Variants in BTBD9 observed in about 807,000 individuals in gnomAD.
BTBD9 encodes the protein BTB/POZ domain-containing protein 9.
A neutral mutation model predicts 64.3 loss-of-function variants in BTBD9; 49 were observed. That is an observed-to-expected ratio of 0.76 (90% CI 0.61 to 0.97). BTBD9 has a LOEUF of 0.97. Ranked by LOEUF, BTBD9 falls within the 50% of genes least tolerant of loss-of-function variation. BTBD9 has a pLI of 0.00. For missense variants in BTBD9, 598 were observed against 762.1 expected, an observed-to-expected ratio of 0.78 and a Z score of 2.53; for synonymous variants, 260 against 274.7, an observed-to-expected ratio of 0.95 and a Z score of 0.53.
At chr6:38,500,102 G>T (rs1468055182) in intron 6 of BTBD9, among the ~76,000 whole-genome samples, 2 of 152,128 alleles carry the variant, frequency 1.3e-5, no homozygotes, top group African/African-American at 2.4e-5. Context: ...CAATGGAAAT[G>T]GTCTGAATCC....
chr6:38,594,782 G>A (rs1776966528), intron 2 of BTBD9, among the ~76,000 whole-genome samples: 1 of 152,172 alleles, frequency 6.6e-6, no homozygotes, highest in Non-Finnish European at 1.5e-5. Flanking sequence ...CAAAAGCAAT[G>A]GAAAAACATG....
At chr6:38,365,450 TG>T (rs1396064992) in intron 6 of BTBD9, among the ~76,000 whole-genome samples, 2 of 152,152 alleles carry the variant, frequency 1.3e-5, no homozygotes, top group Non-Finnish European at 2.9e-5. Context: ...CTCAAGATAC[TG>T]AAGGTACAGG....
chr6:38,627,929 C>T (rs2127529773), intron 1 of BTBD9, among the ~76,000 whole-genome samples: 1 of 152,222 alleles, frequency 6.6e-6, no homozygotes, highest in African/African-American at 2.4e-5. Context: ...GGTTTAACCA[C>T]CTCAGAAAAC....
chr6:38,517,679 T>G (rs1402104127), intron 6 of BTBD9, among the ~76,000 whole-genome samples: 1 of 152,218 alleles, frequency 6.6e-6, no homozygotes, highest in East Asian at 1.9e-4. Context: ...CCCTTCTTTC[T>G]CTTTTCCAAG....
intron 7 of BTBD9, among the ~76,000 whole-genome samples, chr6:38,323,588 A>G (rs1003274580): frequency 2.0e-5 from 3 of 152,236 alleles, no homozygotes; most frequent in Non-Finnish European, 2.9e-5. Context: ...ATGACAATAG[A>G]TATCAGTGGA....
At chr6:38,336,458 TC>T (rs1763896094) in intron 7 of BTBD9, among the ~76,000 whole-genome samples, 1 of 152,100 alleles carries the variant, frequency 6.6e-6, no homozygotes, top group Admixed American at 6.5e-5. Flanking sequence ...AAAGGCACCT[TC>T]TTCACATGGC....
intron 7 of BTBD9, among the ~76,000 whole-genome samples, chr6:38,294,764 C>A (rs1762097024): frequency 6.6e-6 from 1 of 151,136 alleles, no homozygotes; most frequent in South Asian, 2.1e-4. Context: ...AACAAACCTG[C>A]ACATTCTGCA....
intron 6 of BTBD9, among the ~76,000 whole-genome samples, chr6:38,428,910 C>T (rs1768307581): frequency 6.6e-6 from 1 of 151,206 alleles, no homozygotes; most frequent in African/African-American, 2.4e-5. Flanking sequence ...GGGGTTTCAC[C>T]GTGTTAGCCA....
chr6:38,209,963 G>GA (rs1762773555), intron 9 of BTBD9, among the ~76,000 whole-genome samples: 1 of 152,208 alleles, frequency 6.6e-6, no homozygotes, highest in East Asian at 1.9e-4. Flanking sequence ...GCCTCTCACA[G>GA]AGAGCGGCAG....
intron 6 of BTBD9, among the ~76,000 whole-genome samples, chr6:38,538,926 G>A (rs960834783): frequency 1.3e-5 from 2 of 152,164 alleles, no homozygotes; most frequent in South Asian, 2.1e-4. Flanking sequence ...TGGGACAACA[G>A]GCACACACCA....
At chr6:38,179,121 G>A (rs1029479970) in intron 10 of BTBD9, among the ~76,000 whole-genome samples, 7 of 152,152 alleles carry the variant, frequency 4.6e-5, no homozygotes, top group African/African-American at 1.4e-4. Context: ...AAAGAGCTGG[G>A]ATTACAGGCG....
intron 6 of BTBD9, among the ~76,000 whole-genome samples, chr6:38,362,040 C>T (rs904446532): frequency 6.6e-6 from 1 of 152,194 alleles, no homozygotes; most frequent in African/African-American, 2.4e-5. Context: ...CTATCATATG[C>T]TCTATGTTTG....
intron 10 of BTBD9, among the ~76,000 whole-genome samples, chr6:38,185,975 G>A (rs1761801731): frequency 6.6e-6 from 1 of 152,216 alleles, no homozygotes; most frequent in Non-Finnish European, 1.5e-5. Flanking sequence ...GGATGAACAA[G>A]GCTGCGGTGA....
chr6:38,567,092 T>C (rs529350034), intron 6 of BTBD9, among the ~76,000 whole-genome samples: 1 of 152,340 alleles, frequency 6.6e-6, no homozygotes, highest in East Asian at 1.9e-4. Context: ...TTCTCTTTCA[T>C]AGTCTTAGGC....
At chr6:38,251,096 T>A (rs190621115) in intron 9 of BTBD9, among the ~76,000 whole-genome samples, 3,616 of 147,746 alleles carry the variant, frequency 0.024, 56 homozygotes, top group South Asian at 0.043. Context: ...AAAAAAAAAA[T>A]AATAATAATA....
At chr6:38,604,741 T>C (rs1777369531) in intron 1 of BTBD9, among the ~76,000 whole-genome samples, 1 of 152,238 alleles carries the variant, frequency 6.6e-6, no homozygotes, top group African/African-American at 2.4e-5. Context: ...TATTCTTATA[T>C]GAGAGTAAGG....
intron 8 of BTBD9, among the ~76,000 whole-genome samples, chr6:38,266,445 C>T (rs551572433): frequency 6.6e-6 from 1 of 152,024 alleles, no homozygotes; most frequent in South Asian, 2.1e-4. Context: ...TGGCAGCGTG[C>T]ACCTGTAATC....
At chr6:38,419,418 G>A (rs897925458) in intron 6 of BTBD9, among the ~76,000 whole-genome samples, 3 of 152,180 alleles carry the variant, frequency 2.0e-5, no homozygotes, top group Admixed American at 6.5e-5. Context: ...ACAAAAAATA[G>A]TGCTATTAAA....
chr6:38,266,658 GAAAGAAA>G (rs1561947611), intron 8 of BTBD9, among the ~76,000 whole-genome samples: 2 of 102,874 alleles, frequency 1.9e-5, no homozygotes, highest in East Asian at 4.6e-4. Flanking sequence ...AAGAAAGAAA[GAAAGAAA>G]GAAAGAAAGA....
Sources: allele counts gnomAD v4.1 joint callset (sites outside exome capture counted in the v4.1 genomes callset), GRCh38; gene constraint gnomAD v4.1.1; transcripts MANE v1.5; gene names NCBI Gene and HGNC (gene_info 2026-07-23, HGNC 2026-07-21).